DUSP16: variants seen among roughly 807,000 people sequenced by gnomAD.
The protein encoded by DUSP16 is dual specificity phosphatase 16, also known as dual specificity protein phosphatase 16.
In DUSP16, 21 loss-of-function variants were observed where a neutral mutation model predicts 58.3. The ratio of observed to expected loss-of-function variants is 0.36; its 90% CI spans 0.26 to 0.52. The LOEUF is 0.52. Among genes scored for constraint, DUSP16 ranks in the 20% least tolerant of loss-of-function variants. The pLI is 0.94. For missense variants in DUSP16, 726 were observed against 819.0 expected (o/e 0.89, Z 1.39); for synonymous variants, 320 against 323.8 (o/e 0.99, Z 0.12).
intron 4 of DUSP16, among the ~76,000 whole-genome samples, chr12:12,489,557 A>G (rs1943734197): frequency 6.6e-6 from 1 of 152,236 alleles, no homozygotes; most frequent in Non-Finnish European, 1.5e-5. Flanking sequence ...TTAAATTAAA[A>G]GTAAAGGAAT....
intron 1 of DUSP16, among the ~76,000 whole-genome samples, chr12:12,523,285 T>TA (rs1458284978): frequency 6.6e-6 from 1 of 152,068 alleles, no homozygotes; most frequent in Admixed American, 6.5e-5. Context: ...AGCTGGTAAA[T>TA]AAAAAAGCAA....
chr12:12,541,668 TTC>T (rs1292698617), intron 1 of DUSP16, among the ~76,000 whole-genome samples: 1 of 152,200 alleles, frequency 6.6e-6, no homozygotes, highest in Non-Finnish European at 1.5e-5. Flanking sequence ...TAACAACTAT[TTC>T]TCTGTCTACA....
At chr12:12,538,152 G>A (rs998210619) in intron 1 of DUSP16, among the ~76,000 whole-genome samples, 2 of 152,144 alleles carry the variant, frequency 1.3e-5, no homozygotes, top group East Asian at 3.8e-4. Flanking sequence ...ATCCCCGTGC[G>A]CCACCACGCC....
intron 3 of DUSP16, among the ~76,000 whole-genome samples, chr12:12,517,409 T>C (rs1223920402): frequency 6.6e-6 from 1 of 152,176 alleles, no homozygotes; most frequent in Non-Finnish European, 1.5e-5. Flanking sequence ...TGCTTTTCAG[T>C]TATTTCTCCC....
chr12:12,558,457 C>A (rs1413728913), intron 1 of DUSP16, among the ~76,000 whole-genome samples: 1 of 151,938 alleles, frequency 6.6e-6, no homozygotes, highest in Admixed American at 6.6e-5. Context: ...TCATAGCTCA[C>A]TGCAGCCTTG....
intron 1 of DUSP16, among the ~76,000 whole-genome samples, chr12:12,540,735 C>A (rs947831586): frequency 4.6e-5 from 7 of 152,056 alleles, no homozygotes; most frequent in African/African-American, 1.7e-4. Context: ...CCTTAGGGTG[C>A]TACACAATCT....
chr12:12,480,352 T>G lies in DUSP16; in HGVS notation c.692-6A>C. 6.2e-7 allele frequency: 1 copy of G among 1,612,134 alleles called. No homozygotes were observed. The highest frequency in any genetic ancestry group is 1.1e-5 in the South Asian group (1 of 90,500). On this transcript the variant is annotated splice_polypyrimidine_tract_variant and splice_region_variant and intron_variant, in intron 5 of 6. Coordinates refer to ENST00000298573, the MANE Select transcript of DUSP16 (RefSeq NM_030640.3). The stretch of plus-strand genomic sequence containing the variant: ...ATTGGAGGCTTTTGCTTTCTCTGTA[T>G]AAGTCAAATGCAAGAAAGGTCACTA...
intron 3 of DUSP16, among the ~76,000 whole-genome samples, chr12:12,510,595 T>C (rs1315164430): frequency 6.6e-6 from 1 of 152,208 alleles, no homozygotes; most frequent in Non-Finnish European, 1.5e-5. Flanking sequence ...AAACACTTAA[T>C]AGCACCTACT....
chr12:12,500,341 G>C (rs1035688704), intron 4 of DUSP16, among the ~76,000 whole-genome samples, 178 bp downstream of exon 4: 10 of 152,128 alleles, frequency 6.6e-5, no homozygotes, highest in African/African-American at 1.9e-4. Context: ...GCAGTAAAAA[G>C]TAACATCAAA....
chr12:12,538,229 T>A (rs1302057220), intron 1 of DUSP16, among the ~76,000 whole-genome samples: 1 of 152,194 alleles, frequency 6.6e-6, no homozygotes. Flanking sequence ...TAATCAGTTG[T>A]CAAGACCTAC....
chr12:12,527,710 C>T (rs1298629837), intron 1 of DUSP16, among the ~76,000 whole-genome samples: 2 of 152,016 alleles, frequency 1.3e-5, no homozygotes, highest in African/African-American at 4.8e-5. Context: ...ATTTCCTTAC[C>T]CAAAAATTGA....
chr12:12,542,779 T>C (rs1317355311), intron 1 of DUSP16, among the ~76,000 whole-genome samples: 3 of 152,142 alleles, frequency 2.0e-5, no homozygotes, highest in Non-Finnish European at 2.9e-5. Flanking sequence ...CGATCCTCAA[T>C]TGGACCCTGT....
chr12:12,520,313 C>CTT (rs564384410), intron 2 of DUSP16, among the ~76,000 whole-genome samples: 2 of 152,100 alleles, frequency 1.3e-5, no homozygotes, highest in Admixed American at 1.3e-4. Flanking sequence ...CCTAAACAAA[C>CTT]TTTTTTTAAA....
Position 12,520,933 on chromosome 12 carries a change from G to T in DUSP16, c.166C>A (p.Arg56=), listed in dbSNP as rs765139916. ...AACACTTTGTCCTGTTGCAACCTTC[G>T]CTTCATAAGCTTGGAGCAGTTGATA... ...ININCSKLMK[R]RLQQDKVLIT... The change falls in exon 2 of 7, where the codon CGA becomes AGA. Residue 56 remains arginine, a synonymous_variant. Transcript: ENST00000298573. 43 of 1,614,034 alleles carry T rather than the reference G, an allele frequency of 2.7e-5. No homozygotes were observed. Among genetic ancestry groups the T allele is most frequent in the Non-Finnish European group, 3.1e-5 (37 of 1,180,034 alleles).
At chr12:12,535,027 C>A (rs537736150) in intron 1 of DUSP16, among the ~76,000 whole-genome samples, 1 of 152,270 alleles carries the variant, frequency 6.6e-6, no homozygotes, top group Admixed American at 6.5e-5. Flanking sequence ...ATTTAGAAAA[C>A]AAACAAGATC....
chr12:12,503,840 G>A (rs1316368961), intron 3 of DUSP16, among the ~76,000 whole-genome samples: 2 of 152,118 alleles, frequency 1.3e-5, no homozygotes, highest in Non-Finnish European at 2.9e-5. Context: ...TCTGACCATG[G>A]AATTCCCCCT....
chr12:12,550,850 C>T (rs1311796636), intron 1 of DUSP16, among the ~76,000 whole-genome samples: 1 of 151,798 alleles, frequency 6.6e-6, no homozygotes, highest in East Asian at 1.9e-4. Flanking sequence ...TGTAACAAAC[C>T]TGCACGTGCT....
At position 12,477,427 on chromosome 12, in the gene DUSP16, G is replaced by C. The variant is rs141818878; in HGVS notation, c.1404C>G (p.Pro468=). The stretch of plus-strand genomic sequence containing the variant: ...AAGGCCTGGCGGTCTGCAGCTTCTT[G>C]GGGATGCTGGCTTCCTCCTTATCAG... ...TSPDKEEASI[P]KKLQTARPSD... Residue 468 remains proline (P), a synonymous_variant, in exon 7 of 7, where the codon CCC becomes CCG. Coordinates refer to ENST00000298573, the MANE Select transcript of DUSP16 (RefSeq NM_030640.3). This position sits in a 1 kb window ranked among gnomAD's most constrained non-coding sequence, Gnocchi z 4.1. 1.2e-5 allele frequency: 19 copies of C among 1,607,402 alleles called. No homozygotes were observed. The African/African-American group carries it at 2.5e-4, about 22-fold the overall frequency.
At chr12:12,533,947 A>G (rs1181748308) in intron 1 of DUSP16, among the ~76,000 whole-genome samples, 2 of 152,228 alleles carry the variant, frequency 1.3e-5, no homozygotes, top group Non-Finnish European at 2.9e-5. Context: ...GTCTCCTAAC[A>G]GGGACAGGGC....
Sources: gnomAD v4.1 joint callset for allele counts (sites outside exome capture counted in the v4.1 genomes callset) on GRCh38, gnomAD v4.1.1 for gene constraint, Gnocchi (gnomAD v3.1) non-coding constraint, MANE v1.5 for transcripts, NCBI Gene and HGNC (gene_info 2026-07-23, HGNC 2026-07-21) for gene names.